The following QTMAN variants were observed in gnomAD, a reference collection of about 807,000 sequenced individuals.
QTMAN encodes the protein queuosine-tRNA mannosyltransferase, also known as tRNA-queuosine alpha-mannosyltransferase.
the QTMAN span, among the ~76,000 whole-genome samples, chr2:144,112,843 T>G: frequency 6.6e-6 from 1 of 152,098 alleles, no homozygotes; most frequent in South Asian, 2.1e-4. Context: ...CATAGCTCAG[T>G]GGTAATAAGT....
chr2:144,007,396 C>A, the QTMAN span: 1 of 1,613,066 alleles, frequency 6.2e-7, no homozygotes, highest in Non-Finnish European at 8.5e-7. Context: ...GTATCACACT[C>A]TGAATTAAAA....
the QTMAN span, among the ~76,000 whole-genome samples, chr2:144,029,660 T>C: frequency 6.6e-6 from 1 of 152,098 alleles, no homozygotes; most frequent in African/African-American, 2.4e-5. Context: ...CTAGCAAAGC[T>C]CAGGGAGGGG....
the QTMAN span, chr2:143,952,966 G>A: frequency 1.5e-6 from 1 of 649,574 alleles, no homozygotes; most frequent in South Asian, 1.9e-5. Flanking sequence ...CAAAAAACAT[G>A]GTCGGCAGTA....
the QTMAN span, among the ~76,000 whole-genome samples, chr2:144,198,791 A>G: frequency 3.9e-5 from 6 of 152,200 alleles, no homozygotes; most frequent in African/African-American, 1.4e-4. Flanking sequence ...TTAAGAATGC[A>G]TATGAACTAG....
the QTMAN span, among the ~76,000 whole-genome samples, chr2:144,153,297 G>GA: frequency 2.0e-5 from 3 of 152,082 alleles, 1 homozygote; most frequent in South Asian, 6.2e-4. Flanking sequence ...TATTGGCCAA[G>GA]AAAAAGATGG....
chr2:144,155,644 G>A, the QTMAN span, among the ~76,000 whole-genome samples: 36 of 152,112 alleles, frequency 2.4e-4, no homozygotes, highest in East Asian at 3.5e-3. Flanking sequence ...ACTGCAATCC[G>A]ACCCTATCAG....
At chr2:144,258,658 C>T in the QTMAN span, among the ~76,000 whole-genome samples, 22 of 152,050 alleles carry the variant, frequency 1.4e-4, no homozygotes, top group Non-Finnish European at 2.9e-4. Context: ...ATAAGCTCTT[C>T]TTAAGAAGTG....
At chr2:144,174,317 A>G in the QTMAN span, among the ~76,000 whole-genome samples, 1 of 152,104 alleles carries the variant, frequency 6.6e-6, no homozygotes, top group African/African-American at 2.4e-5. Flanking sequence ...AAGATCTAGA[A>G]ACTATTTCAA....
chr2:144,206,459 A>G, the QTMAN span, among the ~76,000 whole-genome samples: 1 of 152,196 alleles, frequency 6.6e-6, no homozygotes, highest in Non-Finnish European at 1.5e-5. Context: ...CTATTTTTCT[A>G]AAAGTATTCA....
chr2:144,118,061 T>C, the QTMAN span, among the ~76,000 whole-genome samples: 2 of 152,170 alleles, frequency 1.3e-5, no homozygotes, highest in Non-Finnish European at 2.9e-5. Flanking sequence ...TTAGCCAGGA[T>C]GGTCTCAATC....
At chr2:144,056,704 A>G in the QTMAN span, among the ~76,000 whole-genome samples, 1 of 152,202 alleles carries the variant, frequency 6.6e-6, no homozygotes, top group East Asian at 1.9e-4. Context: ...CCTTCCTTCT[A>G]GCAGACTGAG....
At chr2:144,181,418 T>C in the QTMAN span, among the ~76,000 whole-genome samples, 2 of 152,304 alleles carry the variant, frequency 1.3e-5, no homozygotes, top group Middle Eastern at 3.4e-3. Flanking sequence ...CAAAGAAAAG[T>C]TGGTACAATA....
the QTMAN span, among the ~76,000 whole-genome samples, chr2:144,205,768 G>A: frequency 6.6e-6 from 1 of 152,168 alleles, no homozygotes; most frequent in Admixed American, 6.5e-5. Flanking sequence ...CTAGTTTAGG[G>A]TGCAGTCTAA....
the QTMAN span, among the ~76,000 whole-genome samples, chr2:144,256,583 A>C: frequency 6.6e-6 from 1 of 152,170 alleles, no homozygotes. Context: ...CATCATCCTC[A>C]GCAAACTAAC....
chr2:143,993,437 T>C, the QTMAN span, among the ~76,000 whole-genome samples: 1 of 151,150 alleles, frequency 6.6e-6, no homozygotes, highest in Admixed American at 6.6e-5. Context: ...TTTGCAGATA[T>C]GATTAAGCAT....
the QTMAN span, among the ~76,000 whole-genome samples, chr2:144,092,769 T>C: frequency 5.3e-5 from 8 of 152,276 alleles, no homozygotes; most frequent in Admixed American, 2.0e-4. Context: ...TCATAGGTCA[T>C]ACAAATTCTT....
At chr2:144,234,774 A>G in the QTMAN span, among the ~76,000 whole-genome samples, 1 of 152,190 alleles carries the variant, frequency 6.6e-6, no homozygotes, top group Admixed American at 6.6e-5. Flanking sequence ...TCCCCTGCCC[A>G]GTTTTGTTCA....
chr2:144,275,999 C>T, the QTMAN span, among the ~76,000 whole-genome samples: 3 of 152,190 alleles, frequency 2.0e-5, no homozygotes, highest in East Asian at 1.9e-4. Context: ...CACATGCACA[C>T]GTGAAATTTT....
the QTMAN span, among the ~76,000 whole-genome samples, chr2:144,117,124 C>T: frequency 2.0e-5 from 3 of 152,028 alleles, no homozygotes; most frequent in Admixed American, 6.6e-5. Context: ...ATGCCCATTC[C>T]TTCCTTCTAT....
Sources: gnomAD v4.1 joint callset for allele counts (sites outside exome capture counted in the v4.1 genomes callset) on GRCh38, gnomAD v4.1.1 for gene constraint, MANE v1.5 for transcripts, NCBI Gene and HGNC (gene_info 2026-07-23, HGNC 2026-07-21) for gene names.